The following KATNA1 variants were observed in gnomAD, a reference collection of about 807,000 sequenced individuals.
The protein encoded by KATNA1 is katanin catalytic subunit A1.
KATNA1 carries 42 observed loss-of-function variants against 62.6 expected under a neutral mutation model. The ratio of observed to expected loss-of-function variants is 0.67; its 90% CI spans 0.52 to 0.87. KATNA1 has a LOEUF of 0.87. Among genes scored for constraint, KATNA1 ranks in the 40% least tolerant of loss-of-function variants. The pLI is 0.00. For synonymous variants in KATNA1, 186 were observed against 201.9 expected, an observed-to-expected ratio of 0.92 and a Z score of 0.67; for missense variants, 498 against 612.5, an observed-to-expected ratio of 0.81 and a Z score of 1.97.
chr6:149,632,247 T>C (rs1779871368), intron 3 of KATNA1, among the ~76,000 whole-genome samples: 1 of 151,706 alleles, frequency 6.6e-6, no homozygotes, highest in Non-Finnish European at 1.5e-5. Context: ...AGGTGGTGTG[T>C]GCCTGTAGTC....
chr6:149,626,163 A>G (rs1208500195), intron 3 of KATNA1, among the ~76,000 whole-genome samples: 2 of 152,182 alleles, frequency 1.3e-5, no homozygotes, highest in East Asian at 3.9e-4. Context: ...CACAATGTGG[A>G]GTCGACCAAT....
At chr6:149,634,350 A>T (rs946544590) in intron 2 of KATNA1, among the ~76,000 whole-genome samples, 1 of 150,090 alleles carries the variant, frequency 6.7e-6, no homozygotes, top group African/African-American at 2.5e-5. Flanking sequence ...AAAGTTAGGC[A>T]TAACTTTAAA....
At chr6:149,640,431 C>T (rs1314303724) in intron 1 of KATNA1, among the ~76,000 whole-genome samples, 1 of 151,978 alleles carries the variant, frequency 6.6e-6, no homozygotes, top group Non-Finnish European at 1.5e-5. Flanking sequence ...GTACTCCAGC[C>T]TGGGCAACAG....
intron 1 of KATNA1, among the ~76,000 whole-genome samples, chr6:149,641,100 T>C (rs1308056069): frequency 6.7e-6 from 1 of 149,510 alleles, no homozygotes; most frequent in Non-Finnish European, 1.5e-5. Context: ...GAACTCCCGA[T>C]CTCGGGTGAT....
At chr6:149,629,443 C>T (rs1779751231) in intron 3 of KATNA1, among the ~76,000 whole-genome samples, 1 of 152,076 alleles carries the variant, frequency 6.6e-6, no homozygotes, top group Non-Finnish European at 1.5e-5. Context: ...TCTTGGACTT[C>T]CCGGCCTCCA....
chr6:149,616,271 A>G (rs1038850386), intron 4 of KATNA1, among the ~76,000 whole-genome samples: 1 of 152,222 alleles, frequency 6.6e-6, no homozygotes, highest in Non-Finnish European at 1.5e-5. Context: ...TATTATTGGG[A>G]AAAATGTCAA....
intron 10 of KATNA1, among the ~76,000 whole-genome samples, chr6:149,596,733 T>A (rs1007638171): frequency 6.6e-6 from 1 of 152,174 alleles, no homozygotes; most frequent in Non-Finnish European, 1.5e-5. Context: ...GGCTAATTTT[T>A]AAAATTTTTT....
At chr6:149,642,564 G>T (rs1780335044) in intron 1 of KATNA1, among the ~76,000 whole-genome samples, 1 of 152,052 alleles carries the variant, frequency 6.6e-6, no homozygotes, top group African/African-American at 2.4e-5. Context: ...AAATATGGTG[G>T]ATACAGACCA....
chr6:149,603,880 C>T (rs1454493578), intron 5 of KATNA1, among the ~76,000 whole-genome samples: 1 of 152,094 alleles, frequency 6.6e-6, no homozygotes, highest in African/African-American at 2.4e-5. Flanking sequence ...ACTAGAATAC[C>T]TACTACTACT....
Position 149,608,347 on chromosome 6 carries a change from T to C in KATNA1, c.502-3565A>G, listed in dbSNP as rs377452729. Among the ~76,000 whole-genome samples the C allele has an allele frequency of 1.8e-4, 28 of 152,176 alleles. No individual in the cohort carries two copies. In the South Asian group the frequency reaches 5.6e-3, roughly 30 times the overall value. On this transcript the variant is annotated intron_variant, in intron 4 of 10. Coordinates refer to ENST00000367411, the MANE Select transcript of KATNA1 (RefSeq NM_007044.4). ...TTCCCTGGGTTTTCTTTCTTTCAAATATCCAAACTTGGGGCTGAAGAGCCG... is the reference window on the plus strand; with the variant it reads ...TTCCCTGGGTTTTCTTTCTTTCAAACATCCAAACTTGGGGCTGAAGAGCCG...
chr6:149,619,543 G>T (rs1254340372), intron 4 of KATNA1, among the ~76,000 whole-genome samples: 1 of 152,004 alleles, frequency 6.6e-6, no homozygotes, highest in African/African-American at 2.4e-5. Context: ...AACCTGAGAG[G>T]CGGAGGTTGT....
At chr6:149,630,326 G>A (rs1779782730) in intron 3 of KATNA1, among the ~76,000 whole-genome samples, 1 of 152,200 alleles carries the variant, frequency 6.6e-6, no homozygotes, top group Non-Finnish European at 1.5e-5. Flanking sequence ...TTTATGTGGA[G>A]ATTAAGAAAA....
Position 149,601,589 on chromosome 6 carries a change from T to A in KATNA1, c.888+5A>T. On this transcript the variant is annotated splice_donor_5th_base_variant and intron_variant, in intron 7 of 10. Coordinates refer to ENST00000367411, the MANE Select transcript of KATNA1 (RefSeq NM_007044.4). ...AGAATCATTAGAGCTGTCTCAAACATTCACCATTTCAAACAGAAGACGAAC... is the reference window on the plus strand; with the variant it reads ...AGAATCATTAGAGCTGTCTCAAACAATCACCATTTCAAACAGAAGACGAAC... 1 of 1,598,816 alleles carries A rather than the reference T, an allele frequency of 6.3e-7. No homozygotes were observed. The highest frequency in any genetic ancestry group is 8.5e-7 in the Non-Finnish European group (1 of 1,173,622).
At chr6:149,615,386 G>A (rs1779130964) in intron 4 of KATNA1, among the ~76,000 whole-genome samples, 1 of 151,686 alleles carries the variant, frequency 6.6e-6, no homozygotes, top group Non-Finnish European at 1.5e-5. Context: ...TTGTATTTTA[G>A]TAGAAACGGG....
intron 2 of KATNA1, among the ~76,000 whole-genome samples, chr6:149,637,300 C>CA (rs1780098360): frequency 6.6e-6 from 1 of 151,904 alleles, no homozygotes; most frequent in Admixed American, 6.6e-5. Flanking sequence ...TGGTTCCACC[C>CA]ACTCAGGAGG....
At chr6:149,625,945 A>G (rs943756863) in intron 3 of KATNA1, among the ~76,000 whole-genome samples, 1 of 142,036 alleles carries the variant, frequency 7.0e-6, no homozygotes, top group African/African-American at 2.6e-5. Flanking sequence ...AAAAAAAAAA[A>G]AAGACACTCC....
intron 1 of KATNA1, 179 bp from the exon 2 acceptor site, chr6:149,638,739 T>TTG (rs1262589456): frequency 2.8e-4 from 122 of 434,900 alleles, no homozygotes; most frequent in Non-Finnish European, 2.4e-4. Flanking sequence ...TGTTTTTTTT[T>TTG]TTTTTTTTTT....
At chr6:149,620,384 C>G (rs1562291381) in intron 4 of KATNA1, among the ~76,000 whole-genome samples, 1 of 152,106 alleles carries the variant, frequency 6.6e-6, no homozygotes, top group African/African-American at 2.4e-5. Context: ...CTCCGCCTCC[C>G]AGGCTCAAGC....
At chr6:149,598,165 T>C in intron 8 of KATNA1, 59 bp downstream of exon 8, 1 of 1,591,090 alleles carries the variant, frequency 6.3e-7, no homozygotes. Context: ...CCACTGGAAC[T>C]GGAGACACCA....
Sources: gnomAD v4.1 joint callset for allele counts (sites outside exome capture counted in the v4.1 genomes callset) on GRCh38, gnomAD v4.1.1 for gene constraint, MANE v1.5 for transcripts, NCBI Gene and HGNC (gene_info 2026-07-23, HGNC 2026-07-21) for gene names.